The following NOL10 variants were observed in gnomAD, a reference collection of about 807,000 sequenced individuals.
NOL10 encodes H_NH0074G24.1.
In NOL10, 58 loss-of-function variants were observed where a neutral mutation model predicts 103.5. That is an observed-to-expected ratio of 0.56 (90% CI 0.45 to 0.70). The LOEUF (loss-of-function observed/expected upper bound fraction) is 0.70. Among genes scored for constraint, NOL10 ranks in the 30% least tolerant of loss-of-function variants. The probability of loss-of-function intolerance (pLI) is 0.00; values close to 1 mark genes in which losing one functional copy is unlikely to be tolerated. For synonymous variants in NOL10, 287 were observed against 282.5 expected, an observed-to-expected ratio of 1.02 and a Z score of -0.16; for missense variants, 763 against 807.3, an observed-to-expected ratio of 0.95 and a Z score of 0.67.
chr2:10,677,961 GCACACA>G (rs60219622), intron 3 of NOL10, among the ~76,000 whole-genome samples: 6 of 148,948 alleles, frequency 4.0e-5, no homozygotes, highest in Non-Finnish European at 7.4e-5. Context: ...AATTTTATGT[GCACACA>G]CACACACACA....
At chr2:10,653,539 A>G (rs920063169) in intron 12 of NOL10, among the ~76,000 whole-genome samples, 3 of 152,162 alleles carry the variant, frequency 2.0e-5, no homozygotes, top group African/African-American at 7.2e-5. Context: ...CTCTGACAGC[A>G]CACGGAGCCC....
At chr2:10,577,881 G>T (rs7570118) in intron 19 of NOL10, 143 bp from the exon 20 acceptor site, 330,955 of 605,980 alleles carry the variant, frequency 0.55, 93,192 homozygotes, top group African/African-American at 0.74. Flanking sequence ...CACAATAAAT[G>T]GAAAGAATTA....
rs748819659 is a variant in NOL10 at position 10,572,085 on chromosome 2, G to A, written c.2053C>T (p.Arg685Trp). 22 of 1,613,706 alleles carry A rather than the reference G, an allele frequency of 1.4e-5. No individual in the cohort carries two copies. In the Admixed American group the frequency reaches 1.5e-4, roughly 11 times the overall value. Residue 685 changes from arginine to tryptophan, a missense_variant, in exon 21 of 21, where the codon CGG (arginine) becomes TGG (tryptophan). Coordinates refer to ENST00000381685, the MANE Select transcript of NOL10 (RefSeq NM_024894.4). ...GHLKSRHKRGRSFH is the reference protein window; with the variant it reads ...GHLKSRHKRGWSFH Reference sequence around the variant, plus strand: ...CACTTCCCAAATCAATGAAACGACCGTCCTCTTTTGTGTCTTGACTTCAGG... The same window carrying A: ...CACTTCCCAAATCAATGAAACGACCATCCTCTTTTGTGTCTTGACTTCAGG...
chr2:10,596,143 A>G lies in NOL10; in HGVS notation c.1422+4710T>C, dbSNP rs575268477. On this transcript the variant is annotated intron_variant, in intron 17 of 20. Coordinates refer to ENST00000381685, the MANE Select transcript of NOL10 (RefSeq NM_024894.4). ...TTTAGTAATTCCTGAAACTGCTAAA[A>G]TATCTCTTCCATGGGTTCCTAACCA... Among the ~76,000 whole-genome samples the G allele has an allele frequency of 3.3e-5, 5 of 151,444 alleles. No homozygotes were observed. The South Asian group carries it at 1.0e-3, about 32-fold the overall frequency.
intron 15 of NOL10, 75 bp downstream of exon 15, chr2:10,603,003 G>A (rs1676060935): frequency 1.6e-6 from 2 of 1,285,368 alleles, no homozygotes; most frequent in South Asian, 1.3e-5. Context: ...ATTTATGAAA[G>A]TGCGAGTAGT....
At chr2:10,581,406 G>A (rs535302172) in intron 19 of NOL10, among the ~76,000 whole-genome samples, 2 of 95,500 alleles carry the variant, frequency 2.1e-5, no homozygotes, top group African/African-American at 5.5e-5. Context: ...AACACCCATC[G>A]TCAGAGAACA....
chr2:10,601,005 G>T, intron 16 of NOL10, 63 bp from the exon 17 acceptor site: 1 of 963,000 alleles, frequency 1.0e-6, no homozygotes, highest in Non-Finnish European at 1.6e-6. Flanking sequence ...TTACATATTA[G>T]CTTAAAGGTA....
chr2:10,659,075 G>T, intron 10 of NOL10, 97 bp downstream of exon 10: 1 of 819,248 alleles, frequency 1.2e-6, no homozygotes, highest in Non-Finnish European at 2.1e-6. Flanking sequence ...AAAATAGTAT[G>T]ATCTCATTTT....
chr2:10,680,502 A>G (rs1256243435), intron 3 of NOL10, among the ~76,000 whole-genome samples: 1 of 152,230 alleles, frequency 6.6e-6, no homozygotes, highest in Non-Finnish European at 1.5e-5. Context: ...TTTCTTAAGT[A>G]CTAGATCTGT....
chr2:10,669,757 C>T (rs1328282859), intron 6 of NOL10, among the ~76,000 whole-genome samples: 2 of 151,486 alleles, frequency 1.3e-5, no homozygotes, highest in African/African-American at 2.4e-5. Context: ...CTGGGCGTGG[C>T]GGCGCATGCC....
At chr2:10,671,796 A>C in intron 5 of NOL10, 106 bp from the exon 6 acceptor site, 1 of 743,292 alleles carries the variant, frequency 1.3e-6, no homozygotes, top group Non-Finnish European at 2.2e-6. Context: ...CCTCTCTCTC[A>C]CTTTCTGTAT....
chr2:10,609,837 T>C (rs1385147129), intron 13 of NOL10, among the ~76,000 whole-genome samples: 2 of 152,210 alleles, frequency 1.3e-5, no homozygotes, highest in Non-Finnish European at 1.5e-5. Context: ...TAGAATATAA[T>C]ATCCAAGATA....
chr2:10,633,432 A>C (rs909901405), intron 13 of NOL10, among the ~76,000 whole-genome samples: 1 of 151,064 alleles, frequency 6.6e-6, no homozygotes, highest in Non-Finnish European at 1.5e-5. Flanking sequence ...ATGTATCATA[A>C]CATTGGTATT....
chr2:10,688,658 C>T (rs924326037), intron 1 of NOL10, among the ~76,000 whole-genome samples: 2 of 152,234 alleles, frequency 1.3e-5, no homozygotes, highest in South Asian at 2.1e-4. Flanking sequence ...TTTTGACTAC[C>T]TTAAATTGCC....
chr2:10,671,377 T>C (rs1680921255), intron 6 of NOL10, among the ~76,000 whole-genome samples, 177 bp downstream of exon 6: 1 of 151,164 alleles, frequency 6.6e-6, no homozygotes. Context: ...ATGTAGAAAA[T>C]AGAATTTTTT....
intron 17 of NOL10, among the ~76,000 whole-genome samples, chr2:10,598,960 C>A (rs777538237): frequency 1.3e-5 from 2 of 152,120 alleles, no homozygotes; most frequent in Non-Finnish European, 2.9e-5. Context: ...CTAATTTTCC[C>A]ACCTGACCAT....
rs1023181544 is a variant in NOL10, at chr2:10,590,126, T to C, written c.1423-375A>G. 1.1e-4 allele frequency among the ~76,000 whole-genome samples: 17 copies of C among 152,304 alleles called. 1 individual carries two copies. Among genetic ancestry groups the C allele is most frequent in the South Asian group, 1.0e-3 (5 of 4,828 alleles). On this transcript the variant is annotated intron_variant, in intron 17 of 20. Coordinates refer to ENST00000381685, the MANE Select transcript of NOL10 (RefSeq NM_024894.4). ...GTTTTTAAAAAGTGGCTTTTATTAT[T>C]TTTTAGAGATACGGTCTCACTCCAG...
At chr2:10,582,663 A>G (rs1387275634) in intron 19 of NOL10, among the ~76,000 whole-genome samples, 1 of 152,016 alleles carries the variant, frequency 6.6e-6, no homozygotes, top group East Asian at 1.9e-4. Flanking sequence ...TCTTTCCTCC[A>G]TGTCTCTGAG....
intron 12 of NOL10, among the ~76,000 whole-genome samples, chr2:10,649,311 A>ATTTTTTTTTTTTTTTTTTTTTTTT (rs56031158): frequency 1.0e-5 from 1 of 99,046 alleles, no homozygotes; most frequent in African/African-American, 4.1e-5. Context: ...GTATGTTTGA[A>ATTTTTTTTTTTTTTTTTTTTTTTT]TTTTTTTTTT....
Sources: gnomAD v4.1 joint callset for allele counts (sites outside exome capture counted in the v4.1 genomes callset) on GRCh38, gnomAD v4.1.1 for gene constraint, MANE v1.5 for transcripts, NCBI Gene and HGNC (gene_info 2026-07-23, HGNC 2026-07-21) for gene names.